The following BAZ2B variants were observed in gnomAD, a reference collection of about 807,000 sequenced individuals.
BAZ2B encodes the protein bromodomain adjacent to zinc finger domain 2B, also known as bromodomain adjacent to zinc finger domain protein 2B.
A neutral mutation model predicts 246.0 loss-of-function variants in BAZ2B; 91 were observed. The observed-to-expected ratio is 0.37, with a 90% CI of 0.31 to 0.44. BAZ2B has a LOEUF of 0.44. BAZ2B is among the 20% of genes least tolerant of loss of function. The probability of loss-of-function intolerance (pLI) is 1.00; values close to 1 mark genes in which losing one functional copy is unlikely to be tolerated. For missense variants in BAZ2B, 2,332 were observed against 2,533.7 expected, an observed-to-expected ratio of 0.92 and a Z score of 1.71; for synonymous variants, 855 against 860.0, an observed-to-expected ratio of 0.99 and a Z score of 0.10.
chr2:159,343,674 T>C (rs910892733), intron 31 of BAZ2B, among the ~76,000 whole-genome samples: 3 of 151,518 alleles, frequency 2.0e-5, no homozygotes, highest in African/African-American at 7.3e-5. Context: ...ATCAGAGAAA[T>C]GCAAATCAAA....
At chr2:159,374,279 T>G (rs2061180279) in intron 26 of BAZ2B, among the ~76,000 whole-genome samples, 1 of 152,126 alleles carries the variant, frequency 6.6e-6, no homozygotes, top group Admixed American at 6.5e-5. Flanking sequence ...CCCACAAATA[T>G]ACAAATGTAA....
the BAZ2B span, among the ~76,000 whole-genome samples, chr2:159,697,979 T>G: frequency 0.042 from 6,337 of 152,264 alleles, 427 homozygotes; most frequent in African/African-American, 0.14. Context: ...TTTGCCTCCC[T>G]CAGCTTTTGT....
At chr2:159,381,344 G>C (rs1363720206) in intron 25 of BAZ2B, among the ~76,000 whole-genome samples, 1 of 151,944 alleles carries the variant, frequency 6.6e-6, no homozygotes, top group East Asian at 1.9e-4. Context: ...TCAATTATCT[G>C]TTCCTTTACC....
At chr2:159,469,868 G>C (rs372695183) in intron 3 of BAZ2B, among the ~76,000 whole-genome samples, 5 of 152,078 alleles carry the variant, frequency 3.3e-5, no homozygotes, top group African/African-American at 9.7e-5. Context: ...CAAACATTTA[G>C]AGAAAAAATA....
At chr2:159,330,890 T>C (rs1446258211) in intron 34 of BAZ2B, among the ~76,000 whole-genome samples, 1 of 152,036 alleles carries the variant, frequency 6.6e-6, no homozygotes, top group African/African-American at 2.4e-5. Context: ...AGGAGAGATA[T>C]TAGATAGAAC....
chr2:159,679,687 G>A, the BAZ2B span, among the ~76,000 whole-genome samples: 1 of 152,228 alleles, frequency 6.6e-6, no homozygotes. Flanking sequence ...TCAGGAATTG[G>A]CATTAAGAAG....
At chr2:159,458,749 T>C (rs975479160) in intron 3 of BAZ2B, 6 of 152,242 alleles carry the variant, frequency 3.9e-5, no homozygotes, top group Non-Finnish European at 7.3e-5. Flanking sequence ...CTTTTGCTTT[T>C]TTCCCCCTAA....
At chr2:159,406,402 A>C (rs2065941424) in intron 14 of BAZ2B, among the ~76,000 whole-genome samples, 1 of 152,240 alleles carries the variant, frequency 6.6e-6, no homozygotes, top group African/African-American at 2.4e-5. Flanking sequence ...CCATGTGCAC[A>C]AGTGATTAAG....
At chr2:159,332,809 T>A in intron 33 of BAZ2B, 123 bp from the exon 34 acceptor site, 1 of 1,124,958 alleles carries the variant, frequency 8.9e-7, no homozygotes, top group Non-Finnish European at 1.3e-6. Flanking sequence ...CTTACAAATA[T>A]ACAGTAGCCA....
chr2:159,394,091 A>G (rs1025705540), intron 20 of BAZ2B, among the ~76,000 whole-genome samples: 2 of 151,880 alleles, frequency 1.3e-5, no homozygotes, highest in Non-Finnish European at 2.9e-5. Flanking sequence ...GCCAAGAAAA[A>G]CCAGAATGGC....
chr2:159,608,760 C>T (rs1694076138), intron 1 of BAZ2B, among the ~76,000 whole-genome samples: 1 of 152,226 alleles, frequency 6.6e-6, no homozygotes, highest in African/African-American at 2.4e-5. Context: ...CCTTTAATAA[C>T]CTTTGGATTT....
intron 1 of BAZ2B, among the ~76,000 whole-genome samples, chr2:159,580,771 C>T (rs1224422801): frequency 1.3e-5 from 2 of 152,252 alleles, no homozygotes; most frequent in East Asian, 1.9e-4. Context: ...TACACATCTA[C>T]AACCATCTGA....
chr2:159,526,645 C>T (rs80043003), intron 2 of BAZ2B, among the ~76,000 whole-genome samples: 2,816 of 151,980 alleles, frequency 0.019, 37 homozygotes, highest in South Asian at 0.06. Context: ...TATTTCATGC[C>T]AGGACAATCC....
At chr2:159,478,539 T>C (rs1426385936) in intron 3 of BAZ2B, 36 bp downstream of exon 3, 46 of 1,564,738 alleles carry the variant, frequency 2.9e-5, no homozygotes, top group Non-Finnish European at 3.9e-5. Context: ...ATTAAAAGAA[T>C]GGCATTCTAA....
intron 36 of BAZ2B, among the ~76,000 whole-genome samples, chr2:159,323,867 G>A (rs967625757): frequency 2.0e-5 from 3 of 150,612 alleles, no homozygotes; most frequent in African/African-American, 7.3e-5. Context: ...TTGCATATTG[G>A]AACCAATCAG....
the BAZ2B span, among the ~76,000 whole-genome samples, chr2:159,683,024 G>A: frequency 3.1e-4 from 47 of 150,518 alleles, no homozygotes; most frequent in Non-Finnish European, 1.9e-4. Flanking sequence ...GTAAGAATTC[G>A]GAGTGCATTT....
chr2:159,674,552 T>C, the BAZ2B span, among the ~76,000 whole-genome samples: 20 of 151,652 alleles, frequency 1.3e-4, no homozygotes, highest in East Asian at 2.9e-3. Flanking sequence ...GCATCTCTAC[T>C]AAAAAATACA....
chr2:159,572,748 C>T (rs921799748), intron 1 of BAZ2B, among the ~76,000 whole-genome samples: 4 of 152,166 alleles, frequency 2.6e-5, no homozygotes, highest in African/African-American at 7.2e-5. Context: ...TAAGTACATG[C>T]TTTTAAACTA....
At chr2:159,659,710 A>G in the BAZ2B span, among the ~76,000 whole-genome samples, 1 of 152,134 alleles carries the variant, frequency 6.6e-6, no homozygotes, top group Non-Finnish European at 1.5e-5. Flanking sequence ...CAAGAAGGCC[A>G]CAGACTCTCA....
Sources: gnomAD v4.1 joint callset for allele counts (sites outside exome capture counted in the v4.1 genomes callset) on GRCh38, gnomAD v4.1.1 for gene constraint, MANE v1.5 for transcripts, NCBI Gene and HGNC (gene_info 2026-07-23, HGNC 2026-07-21) for gene names.